The following SLIT2 variants were observed in gnomAD, a reference collection of about 807,000 sequenced individuals.
The protein encoded by SLIT2 is slit guidance ligand 2.
SLIT2 carries 41 observed loss-of-function variants against 185.7 expected under a neutral mutation model. The observed-to-expected ratio is 0.22, with a 90% CI of 0.17 to 0.29. SLIT2 has a LOEUF of 0.29. Among genes scored for constraint, SLIT2 ranks in the 10% least tolerant of loss-of-function variants. The pLI is 1.00. For missense variants in SLIT2, 1,571 were observed against 1,909.0 expected (o/e 0.82, Z 3.30); for synonymous variants, 693 against 680.2 (o/e 1.02, Z -0.29).
chr4:20,419,141 A>G (rs1433901034), intron 4 of SLIT2, among the ~76,000 whole-genome samples: 2 of 152,216 alleles, frequency 1.3e-5, no homozygotes, highest in African/African-American at 2.4e-5. Context: ...ATAGTGCAGT[A>G]TAGTAACACT....
intron 1 of SLIT2, among the ~76,000 whole-genome samples, chr4:20,256,043 C>A (rs1260944030): frequency 6.6e-6 from 1 of 152,074 alleles, no homozygotes; most frequent in Admixed American, 6.5e-5. Flanking sequence ...CATTCTTGCC[C>A]CTGTTAGTAG....
At position 20,365,527 on chromosome 4, in the gene SLIT2, C is replaced by G. The variant is rs1723051282; in HGVS notation, c.395+96646C>G. On this transcript the variant is annotated intron_variant, in intron 4 of 36. Coordinates refer to ENST00000504154, the MANE Select transcript of SLIT2 (RefSeq NM_004787.4). Reference sequence around the variant, plus strand: ...AACGGGCTGTACCCGATTGTTCTGTCCTTCCCCCCACCCTCCCGTCACTTC... The same window carrying G: ...AACGGGCTGTACCCGATTGTTCTGTGCTTCCCCCCACCCTCCCGTCACTTC... Among the ~76,000 whole-genome samples the G allele has an allele frequency of 1.3e-5, 2 of 152,084 alleles. 1 individual carries two copies. Among genetic ancestry groups the G allele is most frequent in the South Asian group, 4.1e-4 (2 of 4,828 alleles).
At chr4:20,454,351 A>G (rs1712810439) in intron 4 of SLIT2, among the ~76,000 whole-genome samples, 1 of 152,148 alleles carries the variant, frequency 6.6e-6, no homozygotes, top group African/African-American at 2.4e-5. Context: ...CTTTTCCCTG[A>G]TATATATTAT....
intron 30 of SLIT2, among the ~76,000 whole-genome samples, chr4:20,593,928 T>C (rs1458894878): frequency 1.3e-5 from 2 of 150,962 alleles, no homozygotes; most frequent in African/African-American, 2.4e-5. Flanking sequence ...TATACACATA[T>C]ATACATACAC....
chr4:20,588,310 C>T (rs999220259), intron 29 of SLIT2, among the ~76,000 whole-genome samples: 8 of 152,158 alleles, frequency 5.3e-5, no homozygotes, highest in African/African-American at 1.7e-4. Flanking sequence ...TATTAATTTG[C>T]ATCACGGGAA....
intron 4 of SLIT2, among the ~76,000 whole-genome samples, chr4:20,290,991 T>C (rs1577376968): frequency 6.6e-6 from 1 of 151,972 alleles, no homozygotes; most frequent in Non-Finnish European, 1.5e-5. Flanking sequence ...CTGGATTGGG[T>C]GTCCCTCCCA....
In SLIT2 at chr4:20,595,796, A is replaced by C. The variant is rs755056372; in HGVS notation, c.3282A>C (p.Ala1094=). The part of the protein sequence containing the change: ...KCKNGAHCTD[A]VNGYTCICPE... Reference sequence around the variant, plus strand: ...AAAACGGAGCCCACTGCACAGATGCAGTGAACGGCTATACGTGCATATGCC... The same window carrying C: ...AAAACGGAGCCCACTGCACAGATGCCGTGAACGGCTATACGTGCATATGCC... Residue 1094 remains alanine (A), a synonymous_variant, in exon 31 of 37, where the codon GCA becomes GCC. Coordinates refer to ENST00000504154, the MANE Select transcript of SLIT2 (RefSeq NM_004787.4). 43 of 1,614,048 alleles carry C rather than the reference A, an allele frequency of 2.7e-5. 1 individual carries two copies. In the South Asian group the frequency reaches 3.0e-4, roughly 11 times the overall value.
intron 4 of SLIT2, among the ~76,000 whole-genome samples, chr4:20,374,572 C>T (rs1472114404): frequency 6.6e-6 from 1 of 152,050 alleles, no homozygotes; most frequent in Non-Finnish European, 1.5e-5. Flanking sequence ...ATTGTGATCT[C>T]ATAGCCTACT....
intron 4 of SLIT2, among the ~76,000 whole-genome samples, chr4:20,301,522 A>G (rs1717039353): frequency 6.6e-6 from 1 of 152,210 alleles, no homozygotes; most frequent in Non-Finnish European, 1.5e-5. Flanking sequence ...CCACTTATGC[A>G]GTATTAGTTT....
At chr4:20,354,886 CGT>C (rs370122919) in intron 4 of SLIT2, among the ~76,000 whole-genome samples, 4,579 of 135,752 alleles carry the variant, frequency 0.034, 84 homozygotes, top group South Asian at 0.094. Context: ...GGCAAGTCTG[CGT>C]GTGTGTGTGT....
At chr4:20,481,217 G>C (rs552322995) in intron 6 of SLIT2, among the ~76,000 whole-genome samples, 402 of 152,046 alleles carry the variant, frequency 2.6e-3, no homozygotes, top group South Asian at 4.8e-3. Context: ...CATTATTTTT[G>C]TAAGAATACT....
chr4:20,437,914 CAA>C (rs1224604666), intron 4 of SLIT2, among the ~76,000 whole-genome samples: 3 of 65,606 alleles, frequency 4.6e-5, no homozygotes, highest in South Asian at 6.4e-4. Flanking sequence ...GACTCCGTCT[CAA>C]AAAAAAAAAA....
rs150677598 is a variant in SLIT2, at chr4:20,531,990, C to T, written c.1620C>T (p.Leu540=). The T allele has an allele frequency of 1.9e-6, 3 of 1,567,706 alleles. No homozygotes were observed. Among genetic ancestry groups the T allele is most frequent in the Non-Finnish European group, 2.6e-6 (3 of 1,161,236 alleles). ...TTCCTTCTTTTTTCTTCAGGCGTCT[C>T]AATAATAATGAATTTACCGTGTTGG... ...HIPQYTAELR[L]NNNEFTVLEA... The change falls in exon 17 of 37, where the codon CTC becomes CTT. Residue 540 remains leucine (L), a synonymous_variant. Coordinates refer to ENST00000504154, the MANE Select transcript of SLIT2 (RefSeq NM_004787.4).
intron 4 of SLIT2, among the ~76,000 whole-genome samples, chr4:20,404,190 A>G (rs962684125): frequency 1.3e-5 from 2 of 152,018 alleles, no homozygotes; most frequent in Admixed American, 6.6e-5. Context: ...ACATTTTTTA[A>G]GAAGCTATTA....
At chr4:20,293,678 G>A (rs1716189864) in intron 4 of SLIT2, among the ~76,000 whole-genome samples, 1 of 152,196 alleles carries the variant, frequency 6.6e-6, no homozygotes, top group Non-Finnish European at 1.5e-5. Flanking sequence ...AGGCATAGAT[G>A]TATTAATGTG....
chr4:20,431,733 A>G (rs1490794566), intron 4 of SLIT2, among the ~76,000 whole-genome samples: 2 of 152,202 alleles, frequency 1.3e-5, no homozygotes, highest in Non-Finnish European at 2.9e-5. Flanking sequence ...CCGCTGTAAC[A>G]TTTGTTCATT....
intron 4 of SLIT2, among the ~76,000 whole-genome samples, chr4:20,381,817 C>T (rs1016101366): frequency 6.6e-6 from 1 of 151,850 alleles, no homozygotes; most frequent in African/African-American, 2.4e-5. Context: ...GAGAATACTT[C>T]TCAATGTATT....
At chr4:20,617,732 T>TAA in intron 36 of SLIT2, 82 bp downstream of exon 36, 17 of 467,602 alleles carry the variant, frequency 3.6e-5, no homozygotes, top group Admixed American at 1.9e-4. Flanking sequence ...GGAGAAAAAG[T>TAA]GAAAAAAAAA....
chr4:20,264,287 A>G (rs3927450), intron 3 of SLIT2, among the ~76,000 whole-genome samples: 46,800 of 151,682 alleles, frequency 0.31, 7,512 homozygotes, highest in Middle Eastern at 0.38. Flanking sequence ...GCAAAAGAGG[A>G]GGCTAAATAG....
Sources: allele counts gnomAD v4.1 joint callset (sites outside exome capture counted in the v4.1 genomes callset), GRCh38; gene constraint gnomAD v4.1.1; transcripts MANE v1.5; gene names NCBI Gene and HGNC (gene_info 2026-07-23, HGNC 2026-07-21).